The following PALLD variants were observed in gnomAD, a reference collection of about 807,000 sequenced individuals.
PALLD encodes the protein palladin, cytoskeletal associated protein.
In PALLD, 61 loss-of-function variants were observed where a neutral mutation model predicts 123.5. The ratio of observed to expected loss-of-function variants is 0.49; its 90% confidence interval spans 0.40 to 0.61. The LOEUF (loss-of-function observed/expected upper bound fraction) is 0.61. Among genes scored for constraint, PALLD ranks in the 20% least tolerant of loss-of-function variants. The pLI, the probability that PALLD is intolerant of heterozygous loss-of-function variation, is 0.00. For synonymous variants in PALLD, 465 were observed against 496.4 expected, an observed-to-expected ratio of 0.94 and a Z score of 0.84; for missense variants, 1,273 against 1,377.0, an observed-to-expected ratio of 0.92 and a Z score of 1.20.
intron 2 of PALLD, among the ~76,000 whole-genome samples, chr4:168,552,473 TGCCAGCAACATCAACCCAGTTCATTA>T (rs1264069586): frequency 6.6e-6 from 1 of 152,142 alleles, no homozygotes. Flanking sequence ...AACACTAACC[TGCCAGCAACATCAACCCAGTTCATTA>T]GCTAACTTTT....
chr4:168,701,187 G>A (rs1000881033), intron 8 of PALLD, among the ~76,000 whole-genome samples: 3 of 152,234 alleles, frequency 2.0e-5, no homozygotes, highest in Non-Finnish European at 2.9e-5. Context: ...ACATAAGACT[G>A]AGTAGGAGAG....
At position 168,678,798 on chromosome 4, in the gene PALLD, G is replaced by A. The variant is rs577883075; in HGVS notation, c.1088-2534G>A. 3.3e-5 allele frequency among the ~76,000 whole-genome samples: 5 copies of A among 149,706 alleles called. No homozygotes were observed. In the South Asian group the frequency reaches 6.4e-4, roughly 19 times the overall value. On this transcript the variant is annotated intron_variant, in intron 3 of 21. Coordinates refer to ENST00000505667, the MANE Select transcript of PALLD (RefSeq NM_001166108.2). ...ATGTGTGTGTGTGTGTGTGGTGTAC[G>A]TAGTGGATGTGGGTATGGTGTGTGG... is the stretch of plus-strand genomic sequence containing the variant.
At chr4:168,862,322 T>TA (rs1749614786) in intron 10 of PALLD, among the ~76,000 whole-genome samples, 2 of 151,684 alleles carry the variant, frequency 1.3e-5, no homozygotes, top group Non-Finnish European at 2.9e-5. Flanking sequence ...TTTTTTTTTT[T>TA]ATTTTAGCAT....
chr4:168,559,759 T>C (rs982056386), intron 2 of PALLD, among the ~76,000 whole-genome samples: 5 of 151,878 alleles, frequency 3.3e-5, no homozygotes, highest in African/African-American at 9.7e-5. Context: ...TAGCCAGATA[T>C]GGTAGTGTGC....
At chr4:168,754,237 T>G (rs1049487323) in intron 10 of PALLD, among the ~76,000 whole-genome samples, 3 of 152,234 alleles carry the variant, frequency 2.0e-5, no homozygotes, top group Non-Finnish European at 2.9e-5. Flanking sequence ...CATCTCCTGA[T>G]AACTTTTTTT....
chr4:168,883,576 A>G (rs1752923508), intron 10 of PALLD, among the ~76,000 whole-genome samples: 1 of 152,234 alleles, frequency 6.6e-6, no homozygotes, highest in Non-Finnish European at 1.5e-5. Context: ...TAGCATATCA[A>G]GGGAAGGATG....
chr4:168,786,703 A>G lies in PALLD; in HGVS notation c.1964+74780A>G, dbSNP rs1277264022. Among the ~76,000 whole-genome samples the G allele has an allele frequency of 5.3e-5, 8 of 152,254 alleles. No homozygotes were observed. In the East Asian group the frequency reaches 1.3e-3, roughly 26 times the overall value. Reference sequence around the variant, plus strand: ...CATATATGTTTATGAATATTGGAACATTTAAAAAGCAGTAAATATACTATG... The same window carrying G: ...CATATATGTTTATGAATATTGGAACGTTTAAAAAGCAGTAAATATACTATG... On this transcript the variant is annotated intron_variant, in intron 10 of 21. Coordinates refer to ENST00000505667, the MANE Select transcript of PALLD (RefSeq NM_001166108.2).
chr4:168,643,757 G>T (rs1392513982), intron 2 of PALLD, among the ~76,000 whole-genome samples: 2 of 152,180 alleles, frequency 1.3e-5, no homozygotes, highest in African/African-American at 4.8e-5. Flanking sequence ...AAGATCATCA[G>T]TTTAATAATA....
intron 10 of PALLD, among the ~76,000 whole-genome samples, chr4:168,763,986 G>A (rs1357164900): frequency 2.0e-5 from 3 of 151,940 alleles, no homozygotes; most frequent in Admixed American, 1.3e-4. Flanking sequence ...ATTCATATGT[G>A]TATTCATTTT....
chr4:168,877,891 C>T, intron 10 of PALLD: 3 of 1,468,748 alleles, frequency 2.0e-6, no homozygotes, highest in South Asian at 2.6e-5. Context: ...CCCCGGAGCC[C>T]ATGAGCGCGC....
chr4:168,804,888 T>C (rs563044486), intron 10 of PALLD, among the ~76,000 whole-genome samples: 17 of 152,190 alleles, frequency 1.1e-4, no homozygotes, highest in East Asian at 5.8e-4. Flanking sequence ...AGGCCGGGTG[T>C]GGTGGCTCAC....
chr4:168,918,989 A>G (rs139815148), intron 17 of PALLD, among the ~76,000 whole-genome samples: 151 of 152,294 alleles, frequency 9.9e-4, no homozygotes, highest in African/African-American at 3.4e-3. Context: ...GTAATGGTAT[A>G]TAAAATCTGG....
chr4:168,795,748 C>G lies in PALLD; in HGVS notation c.1964+83825C>G, dbSNP rs562749555. Among the ~76,000 whole-genome samples, 28 of 151,184 alleles carry G rather than the reference C, an allele frequency of 1.9e-4. No individual in the cohort carries two copies. The East Asian group carries it at 4.8e-3, about 26-fold the overall frequency. ...TTTGAGACAGGGCCTTGCTTTATCA[C>G]CCAGGCTGGGGTGCAGTTGTGTGAT... On this transcript the variant is annotated intron_variant, in intron 10 of 21. Coordinates refer to ENST00000505667, the MANE Select transcript of PALLD (RefSeq NM_001166108.2).
chr4:168,821,892 A>G (rs1742772930), intron 10 of PALLD, among the ~76,000 whole-genome samples: 1 of 151,918 alleles, frequency 6.6e-6, no homozygotes, highest in South Asian at 2.1e-4. Flanking sequence ...AAAAAAAAAA[A>G]AAAAAAAAAG....
intron 2 of PALLD, among the ~76,000 whole-genome samples, chr4:168,587,741 T>C (rs962353135): frequency 4.6e-5 from 7 of 152,090 alleles, no homozygotes; most frequent in African/African-American, 1.7e-4. Context: ...CCTCCCATTT[T>C]CCACCATACA....
At chr4:168,836,479 C>T (rs1274489188) in intron 10 of PALLD, among the ~76,000 whole-genome samples, 1 of 152,028 alleles carries the variant, frequency 6.6e-6, no homozygotes, top group African/African-American at 2.4e-5. Flanking sequence ...ATGCATGAAA[C>T]CAAGTAAAAA....
Position 168,711,740 on chromosome 4 carries a change from T to C in PALLD, c.1781T>C (p.Leu594Pro), listed in dbSNP as rs2150213111. 5.6e-6 allele frequency: 9 copies of C among 1,614,154 alleles called. No homozygotes were observed. The highest frequency in any genetic ancestry group is 7.6e-6 in the Non-Finnish European group (9 of 1,180,046). ...IQQVNNPELGLSRAALQMQFN... is the reference protein window; with the variant it reads ...IQQVNNPELGPSRAALQMQFN... ...CAGGTGAACAACCCTGAGTTAGGCC[T>C]GAGCAGGGCAGCCCTTCAAATGCAA... is the stretch of plus-strand genomic sequence containing the variant. The change falls in exon 10 of 22, where the codon CTG becomes CCG. Residue 594 changes from leucine (L) to proline (P), a missense_variant. By Grantham distance (98) the Leu-to-Pro change is moderately conservative. Transcript: ENST00000505667.
intron 10 of PALLD, among the ~76,000 whole-genome samples, chr4:168,846,777 C>A (rs1354163038): frequency 1.3e-5 from 2 of 152,134 alleles, no homozygotes; most frequent in African/African-American, 4.8e-5. Context: ...GGGTATGGTA[C>A]CCACACTGGT....
chr4:168,875,025 C>T (rs1031406661), intron 10 of PALLD, among the ~76,000 whole-genome samples: 6 of 151,752 alleles, frequency 4.0e-5, no homozygotes, highest in Non-Finnish European at 7.4e-5. Flanking sequence ...CTAGGGCTAT[C>T]TAGAACGCTT....
Sources: allele counts gnomAD v4.1 joint callset (sites outside exome capture counted in the v4.1 genomes callset), GRCh38; gene constraint gnomAD v4.1.1; transcripts MANE v1.5; gene names NCBI Gene and HGNC (gene_info 2026-07-23, HGNC 2026-07-21).